Variants in L3MBTL4 observed in about 807,000 individuals in gnomAD.
The protein encoded by L3MBTL4 is L3MBTL histone methyl-lysine binding protein 4, also known as lethal(3)malignant brain tumor-like protein 4.
In L3MBTL4, 70 loss-of-function variants were observed where a neutral mutation model predicts 84.5. The observed-to-expected ratio is 0.83, with a 90% CI of 0.68 to 1.01. L3MBTL4 has a LOEUF of 1.01. L3MBTL4 is among the 50% of genes least tolerant of loss of function. The pLI is 0.00. For synonymous variants in L3MBTL4, 274 were observed against 259.8 expected, an observed-to-expected ratio of 1.05 and a Z score of -0.52; for missense variants, 715 against 754.8, an observed-to-expected ratio of 0.95 and a Z score of 0.62.
intron 9 of L3MBTL4, among the ~76,000 whole-genome samples, chr18:6,239,030 G>A (rs2047336905): frequency 6.6e-6 from 1 of 152,042 alleles, no homozygotes; most frequent in Admixed American, 6.5e-5. Flanking sequence ...CATTGTCCCA[G>A]AATCTTTCCT....
chr18:6,068,638 A>C (rs1293358803), intron 16 of L3MBTL4, among the ~76,000 whole-genome samples: 1 of 151,682 alleles, frequency 6.6e-6, no homozygotes, highest in Non-Finnish European at 1.5e-5. Flanking sequence ...TTGTTCCTGG[A>C]AGGCCATCTA....
intron 13 of L3MBTL4, among the ~76,000 whole-genome samples, chr18:6,165,292 C>A (rs1219810139): frequency 6.6e-6 from 1 of 152,120 alleles, no homozygotes; most frequent in African/African-American, 2.4e-5. Flanking sequence ...CCCAATCTAG[C>A]AAGGCAGGCC....
chr18:6,147,255 T>C (rs73381934), intron 13 of L3MBTL4, among the ~76,000 whole-genome samples: 3,354 of 152,124 alleles, frequency 0.022, 143 homozygotes, highest in African/African-American at 0.077. Flanking sequence ...CATTGGAGAA[T>C]GCAAATAATA....
chr18:6,135,282 C>T (rs573030864), intron 14 of L3MBTL4, among the ~76,000 whole-genome samples: 15 of 152,238 alleles, frequency 9.9e-5, no homozygotes, highest in African/African-American at 3.4e-4. Flanking sequence ...GAGAGGGTGC[C>T]GTAAAGGTCC....
At position 6,370,818 on chromosome 18, in the gene L3MBTL4, A is replaced by T. The variant is rs533897389; in HGVS notation, c.-91+43983T>A. 8.3e-4 allele frequency among the ~76,000 whole-genome samples: 126 copies of T among 152,280 alleles called. 1 individual carries two copies. The highest frequency in any genetic ancestry group is 2.2e-3 in the African/African-American group (93 of 41,554). ...CAAGCAAGCCGACTCAGAAAAATTT[A>T]AAAAAATTAAAAATTTGTAAGAAAA... On this transcript the variant is annotated intron_variant, in intron 1 of 18. Coordinates refer to ENST00000317931, the MANE Select transcript of L3MBTL4 (RefSeq NM_001330559.2).
intron 16 of L3MBTL4, among the ~76,000 whole-genome samples, chr18:6,034,541 C>T (rs997240410): frequency 6.6e-6 from 1 of 152,120 alleles, no homozygotes; most frequent in Non-Finnish European, 1.5e-5. Context: ...TTAATCCAGT[C>T]TATCATTGTT....
At chr18:6,358,267 G>A (rs1435894503) in intron 1 of L3MBTL4, among the ~76,000 whole-genome samples, 2 of 152,138 alleles carry the variant, frequency 1.3e-5, no homozygotes, top group Non-Finnish European at 2.9e-5. Context: ...TTTTTTGGAA[G>A]ATGGACGCAA....
At chr18:6,305,579 G>A (rs2146880111) in intron 3 of L3MBTL4, among the ~76,000 whole-genome samples, 1 of 152,220 alleles carries the variant, frequency 6.6e-6, no homozygotes, top group East Asian at 1.9e-4. Flanking sequence ...CGATTTCTCA[G>A]GTTTCAAACT....
At chr18:6,276,842 T>A (rs1352871839) in intron 4 of L3MBTL4, among the ~76,000 whole-genome samples, 1 of 151,954 alleles carries the variant, frequency 6.6e-6, no homozygotes, top group East Asian at 1.9e-4. Context: ...TCCGATGTGG[T>A]GACTTATGAG....
intron 16 of L3MBTL4, among the ~76,000 whole-genome samples, chr18:5,999,682 C>T (rs1407259185): frequency 2.6e-5 from 4 of 152,124 alleles, no homozygotes; most frequent in Non-Finnish European, 2.9e-5. Context: ...GATAAATTCC[C>T]TAGATTCAAT....
intron 1 of L3MBTL4, among the ~76,000 whole-genome samples, chr18:6,315,370 T>C (rs1296375042): frequency 6.6e-6 from 1 of 152,214 alleles, no homozygotes; most frequent in African/African-American, 2.4e-5. Context: ...TTTGATAACT[T>C]ATGCATGAAT....
rs141568869 is a variant in L3MBTL4, at chr18:6,322,212, G to T, written c.-90-10156C>A. Among the ~76,000 whole-genome samples, 191 of 151,846 alleles carry T rather than the reference G, an allele frequency of 1.3e-3. 1 individual carries two copies. Among genetic ancestry groups the T allele is most frequent in the African/African-American group, 4.5e-3 (185 of 41,418 alleles). ...TATATACAAATTTAAAAAAAAATTAGCCAGGCATGGCAGCACATGAGATGC... is the reference window on the plus strand; with the variant it reads ...TATATACAAATTTAAAAAAAAATTATCCAGGCATGGCAGCACATGAGATGC... On this transcript the variant is annotated intron_variant, in intron 1 of 18. Transcript: ENST00000317931.
intron 5 of L3MBTL4, among the ~76,000 whole-genome samples, chr18:6,262,370 C>G (rs2048444870): frequency 6.6e-6 from 1 of 152,216 alleles, no homozygotes; most frequent in Non-Finnish European, 1.5e-5. Flanking sequence ...ATCATCTGAG[C>G]ACACTCAACA....
At chr18:5,979,876 C>T (rs914516405) in intron 16 of L3MBTL4, among the ~76,000 whole-genome samples, 1 of 152,150 alleles carries the variant, frequency 6.6e-6, no homozygotes, top group African/African-American at 2.4e-5. Context: ...TCCAGGGATC[C>T]TGCGTGGGAC....
At chr18:6,016,918 G>A (rs888968862) in intron 16 of L3MBTL4, among the ~76,000 whole-genome samples, 5 of 152,162 alleles carry the variant, frequency 3.3e-5, no homozygotes, top group Admixed American at 2.0e-4. Flanking sequence ...AAGGGGCATG[G>A]AGAAGCAGCC....
chr18:6,281,741 C>A (rs567567912), intron 4 of L3MBTL4, among the ~76,000 whole-genome samples: 17 of 152,246 alleles, frequency 1.1e-4, no homozygotes, highest in African/African-American at 3.4e-4. Context: ...AGAAAAATTA[C>A]AAATATTTTC....
At chr18:6,155,542 T>G (rs1482310683) in intron 13 of L3MBTL4, among the ~76,000 whole-genome samples, 1 of 152,216 alleles carries the variant, frequency 6.6e-6, no homozygotes, top group African/African-American at 2.4e-5. Context: ...GACTTGGGTA[T>G]AGTATTCTGC....
intron 12 of L3MBTL4, among the ~76,000 whole-genome samples, chr18:6,194,639 G>A (rs963524037): frequency 1.3e-5 from 2 of 152,156 alleles, no homozygotes; most frequent in Non-Finnish European, 2.9e-5. Flanking sequence ...ATGTGCTGTG[G>A]TCCCTAACTT....
chr18:6,218,058 T>C (rs1370660573), intron 10 of L3MBTL4, among the ~76,000 whole-genome samples: 2 of 152,208 alleles, frequency 1.3e-5, no homozygotes, highest in Non-Finnish European at 2.9e-5. Flanking sequence ...CTTTCCTTTA[T>C]GAGTTATACT....
Sources: gnomAD v4.1 joint callset for allele counts (sites outside exome capture counted in the v4.1 genomes callset) on GRCh38, gnomAD v4.1.1 for gene constraint, MANE v1.5 for transcripts, NCBI Gene and HGNC (gene_info 2026-07-23, HGNC 2026-07-21) for gene names.